Variants in NSFL1C observed in about 807,000 individuals in gnomAD.
NSFL1C encodes NSFL1 cofactor p47.
In NSFL1C, 14 loss-of-function variants were observed where a neutral mutation model predicts 43.1. The observed-to-expected ratio is 0.32, with a 90% CI of 0.21 to 0.51. The LOEUF is 0.51. Among genes scored for constraint, NSFL1C ranks in the 20% least tolerant of loss-of-function variants. NSFL1C has a pLI of 0.98. For synonymous variants in NSFL1C, 171 were observed against 183.5 expected (o/e 0.93, Z 0.55); for missense variants, 406 against 472.5 (o/e 0.86, Z 1.30).
At chr20:1,466,692 C>A in intron 1 of NSFL1C, 28 bp downstream of exon 1, 1 of 1,531,252 alleles carries the variant, frequency 6.5e-7, no homozygotes, top group Non-Finnish European at 8.8e-7. Context: ...CCCCGGCCCA[C>A]CCGACACAGC....
At chr20:1,447,763 T>TCGGGC (rs11471592) in intron 7 of NSFL1C, among the ~76,000 whole-genome samples, 1 of 151,652 alleles carries the variant, frequency 6.6e-6, no homozygotes, top group African/African-American at 2.4e-5. Context: ...TGATATCAGT[T>TCGGGC]AAGGGGGTGG....
rs1303168497 is a variant in NSFL1C, at chr20:1,464,362, G to A, written c.170C>T (p.Thr57Ile). ...DEDIVTISQA[T>I]PSSVSRGTAP... Reference sequence around the variant, plus strand: ...TGTGCCTCTGGACACTGAACTGGGGGTTGCCTGCGAAATGGTCACAATGTC... The same window carrying A: ...TGTGCCTCTGGACACTGAACTGGGGATTGCCTGCGAAATGGTCACAATGTC... Residue 57 changes from threonine to isoleucine, a missense_variant, in exon 2 of 9, where the codon ACC becomes ATC. This residue lies in a region of NSFL1C where 203 missense variants were observed against 216.3 expected (regional missense o/e 0.94). Transcript: ENST00000216879. The A allele has an allele frequency of 1.2e-6, 2 of 1,614,266 alleles. No homozygotes were observed. The highest frequency in any genetic ancestry group is 2.2e-5 in the East Asian group (1 of 44,892).
chr20:1,450,021 T>C (rs2090152409), intron 7 of NSFL1C, among the ~76,000 whole-genome samples: 1 of 152,206 alleles, frequency 6.6e-6, no homozygotes, highest in Non-Finnish European at 1.5e-5. Flanking sequence ...CTTTTGCCTT[T>C]TACTAAAACA....
chr20:1,452,544 T>A lies in NSFL1C; in HGVS notation c.734A>T (p.Lys245Met). The A allele has an allele frequency of 6.2e-7, 1 of 1,614,198 alleles. No individual in the cohort carries two copies. The highest frequency in any genetic ancestry group is 8.5e-7 in the Non-Finnish European group (1 of 1,180,026). The change falls in exon 7 of 9, where the codon AAG (lysine) becomes ATG (methionine). Residue 245 changes from lysine (K) to methionine (M), a missense_variant. Transcript: ENST00000216879. The part of the protein sequence containing the change: ...MEDHRDEDFV[K>M]PKGAFKAFTG... ...GAAGGCTTTGAAGGCTCCTTTGGGC[T>A]TCACAAAGTCCTCGTCCCGATGGTC...
At chr20:1,455,907 T>A (rs2090289916) in intron 3 of NSFL1C, 2 of 641,648 alleles carry the variant, frequency 3.1e-6, no homozygotes, top group Non-Finnish European at 5.7e-6. Flanking sequence ...GAAGCTCCAA[T>A]CTCAAATACA....
At chr20:1,465,391 G>A (rs1175525067) in intron 1 of NSFL1C, among the ~76,000 whole-genome samples, 1 of 152,206 alleles carries the variant, frequency 6.6e-6, no homozygotes, top group Non-Finnish European at 1.5e-5. Context: ...TGCCAGGCAA[G>A]TCACATGCAT....
chr20:1,462,611 C>A (rs984383948), intron 2 of NSFL1C, among the ~76,000 whole-genome samples: 2 of 151,828 alleles, frequency 1.3e-5, no homozygotes, highest in Non-Finnish European at 2.9e-5. Context: ...AAGCTCCGCC[C>A]CCCGGGTTCA....
intron 7 of NSFL1C, 98 bp from the exon 8 acceptor site, chr20:1,445,928 C>T (rs1283502394): frequency 3.1e-6 from 4 of 1,307,672 alleles, no homozygotes; most frequent in Non-Finnish European, 3.2e-6. Context: ...TGCAATGCGC[C>T]TGGCATTGTT....
At chr20:1,447,653 A>C (rs891596477) in intron 7 of NSFL1C, among the ~76,000 whole-genome samples, 1 of 152,222 alleles carries the variant, frequency 6.6e-6, no homozygotes, top group Non-Finnish European at 1.5e-5. Flanking sequence ...ATAATAATTC[A>C]AAGTATACGT....
intron 2 of NSFL1C, chr20:1,464,069 C>T (rs1022953877): frequency 2.4e-6 from 1 of 423,938 alleles, no homozygotes; most frequent in Admixed American, 4.1e-5. Flanking sequence ...GTGGTCATTC[C>T]TCATACTACA....
intron 7 of NSFL1C, among the ~76,000 whole-genome samples, 196 bp downstream of exon 7, chr20:1,452,297 A>G (rs774581609): frequency 1.3e-5 from 2 of 152,246 alleles, no homozygotes; most frequent in African/African-American, 4.8e-5. Flanking sequence ...ACACTGCTAG[A>G]AAGTGAAGCA....
At chr20:1,460,027 T>C (rs891967351) in intron 2 of NSFL1C, among the ~76,000 whole-genome samples, 3 of 152,246 alleles carry the variant, frequency 2.0e-5, no homozygotes, top group East Asian at 1.9e-4. Context: ...GTATCCGACA[T>C]TGATTCTGGT....
intron 2 of NSFL1C, among the ~76,000 whole-genome samples, chr20:1,462,504 C>T (rs1010742214): frequency 1.3e-5 from 2 of 151,730 alleles, no homozygotes; most frequent in Non-Finnish European, 2.9e-5. Context: ...AACTCTATGT[C>T]CTTGATTCTT....
chr20:1,445,871 G>A (rs1368373986), intron 7 of NSFL1C, 41 bp from the exon 8 acceptor site: 1 of 1,602,808 alleles, frequency 6.2e-7, no homozygotes, highest in Non-Finnish European at 8.5e-7. Context: ...GCAGAAACAA[G>A]GCCCCTAGCA....
chr20:1,466,740 A>C lies in NSFL1C; in HGVS notation c.85T>G (p.Ser29Ala), dbSNP rs1183103202. 1 of 1,560,106 alleles carries C rather than the reference A, an allele frequency of 6.4e-7. No individual in the cohort carries two copies. The highest frequency in any genetic ancestry group is 1.8e-5 in the Admixed American group (1 of 55,184). ...EEDRARFFLE[S>A]AGWDLQIALA... Reference sequence around the variant, plus strand: ...GCTACCTGCAAGTCCCAGCCGGCCGACTCGAGAAAGAAGCGGGCCCGGTCC... The same window carrying C: ...GCTACCTGCAAGTCCCAGCCGGCCGCCTCGAGAAAGAAGCGGGCCCGGTCC... Residue 29 changes from serine (S) to alanine (A), a missense_variant, in exon 1 of 9, where the codon TCG becomes GCG. Physicochemically the swap from Ser to Ala is moderately conservative, Grantham distance 99. Coordinates refer to ENST00000216879, the MANE Select transcript of NSFL1C (RefSeq NM_016143.5).
At chr20:1,466,292 C>T (rs1318207392) in intron 1 of NSFL1C, among the ~76,000 whole-genome samples, 2 of 152,244 alleles carry the variant, frequency 1.3e-5, no homozygotes, top group Non-Finnish European at 2.9e-5. Context: ...GAAGGCTGGG[C>T]GGCGGTCAAC....
rs2090338855 is a variant in NSFL1C, at chr20:1,458,106, C to T, written c.278+94G>A. 4.9e-6 allele frequency: 5 copies of T among 1,023,988 alleles called. No homozygotes were observed. The Admixed American group carries it at 8.5e-5, about 17-fold the overall frequency. 63.4% of individuals were successfully genotyped at this position (1,023,988 alleles called of 1,614,324 possible). A position where few individuals can be genotyped will look rare whatever the true frequency, so the allele number is the denominator to read the frequency against. ...CCACAGTAGTAATGGCTAACAATAACCAAACATGTTTACCAGGTCCTGTTC... is the reference window on the plus strand; with the variant it reads ...CCACAGTAGTAATGGCTAACAATAATCAAACATGTTTACCAGGTCCTGTTC... On this transcript the variant is annotated intron_variant, in intron 3 of 8. Coordinates refer to ENST00000216879, the MANE Select transcript of NSFL1C (RefSeq NM_016143.5).
intron 8 of NSFL1C, among the ~76,000 whole-genome samples, chr20:1,445,301 C>T (rs528407436): frequency 1.3e-5 from 2 of 152,196 alleles, no homozygotes; most frequent in African/African-American, 4.8e-5. Context: ...GCTGACACTG[C>T]ACCCCCTTCT....
At chr20:1,449,576 G>C (rs1165831208) in intron 7 of NSFL1C, among the ~76,000 whole-genome samples, 1 of 152,222 alleles carries the variant, frequency 6.6e-6, no homozygotes, top group African/African-American at 2.4e-5. Context: ...CTGGGCTACT[G>C]CTCCCAGTGA....
Sources: gnomAD v4.1 joint callset for allele counts (sites outside exome capture counted in the v4.1 genomes callset) on GRCh38, gnomAD v4.1.1 for gene constraint, gnomAD v4.1.1 regional missense constraint, MANE v1.5 for transcripts, NCBI Gene and HGNC (gene_info 2026-07-23, HGNC 2026-07-21) for gene names.